Variants in PDZD7 observed in about 807,000 individuals in gnomAD.
PDZD7 encodes PDZ domain-containing protein 7.
Under a neutral mutation model 84.7 loss-of-function variants are expected in PDZD7, and 72 were observed. The observed-to-expected ratio is 0.85, with a 90% CI of 0.70 to 1.03. The LOEUF is 1.03. Ranked by LOEUF, PDZD7 falls within the 50% of genes least tolerant of loss-of-function variation. PDZD7 has a pLI of 0.00. For synonymous variants in PDZD7, 594 were observed against 580.7 expected, an observed-to-expected ratio of 1.02 and a Z score of -0.33; for missense variants, 1,490 against 1,412.9, an observed-to-expected ratio of 1.05 and a Z score of -0.87.
In PDZD7 at chr10:101,012,222, G is replaced by T. The variant is rs1321037769; in HGVS notation, c.1786C>A (p.Pro596Thr). 2.6e-6 allele frequency: 4 copies of T among 1,550,280 alleles called. No homozygotes were observed. Among genetic ancestry groups the T allele is most frequent in the Non-Finnish European group, 3.5e-6 (4 of 1,147,000 alleles). ...HEGGIEDLVRPLLAILDRPEK... is the reference protein window; with the variant it reads ...HEGGIEDLVRTLLAILDRPEK... ...GGCCTGTCGAGGATGGCCAGCAGGG[G>T]CCTCACCAGGTCCTCTATGCCTCCC... The change falls in exon 12 of 17, where the codon CCC becomes ACC. Residue 596 changes from proline to threonine, a missense_variant. By Grantham distance (38) the Pro-to-Thr change is conservative (BLOSUM62 -1). Coordinates refer to ENST00000619208, the MANE Select transcript of PDZD7 (RefSeq NM_001195263.2).
rs201300705 is a variant in PDZD7, at chr10:101,019,574, C to T, written c.929-357G>A. Among the ~76,000 whole-genome samples the T allele has an allele frequency of 3.7e-3, 405 of 110,742 alleles. 5 individuals carry two copies. Among genetic ancestry groups the T allele is most frequent in the East Asian group, 0.025 (99 of 4,016 alleles). The allele number at this position is 110,742 out of a possible 152,430, so 72.7% of individuals were successfully genotyped here. A position where few individuals can be genotyped will look rare whatever the true frequency, so the allele number is the denominator to read the frequency against. On this transcript the variant is annotated intron_variant, in intron 7 of 16. Coordinates refer to ENST00000619208, the MANE Select transcript of PDZD7 (RefSeq NM_001195263.2). The stretch of plus-strand genomic sequence containing the variant: ...CCTCCTCCTCCTCCTCCTCCTCCTC[C>T]TCCTCCTCCTCCTCTTCTTCTTCTT...
intron 11 of PDZD7, among the ~76,000 whole-genome samples, chr10:101,015,101 A>C (rs1313105260): frequency 6.6e-6 from 1 of 152,202 alleles, no homozygotes; most frequent in Non-Finnish European, 1.5e-5. Context: ...AGAGAACGAC[A>C]GTTTAGGTGT....
chr10:101,018,061 T>C (rs555305411), intron 9 of PDZD7, 38 bp downstream of exon 9: 1 of 1,613,896 alleles, frequency 6.2e-7, no homozygotes. Flanking sequence ...GCTAGTGGAC[T>C]TCACTTTGCC....
intron 2 of PDZD7, among the ~76,000 whole-genome samples, chr10:101,025,558 A>ATTTATTTATTTG (rs1554836920): frequency 8.1e-5 from 12 of 148,794 alleles, no homozygotes; most frequent in African/African-American, 3.0e-4. Flanking sequence ...TTATTTATTT[A>ATTTATTTATTTG]TTTATCTGAG....
At position 101,023,439 on chromosome 10, in the gene PDZD7, G is replaced by T; in HGVS notation, c.539C>A (p.Thr180Lys). 6.2e-7 allele frequency: 1 copy of T among 1,614,080 alleles called. No individual in the cohort carries two copies. Among genetic ancestry groups the T allele is most frequent in the Non-Finnish European group, 8.5e-7 (1 of 1,180,018 alleles). Residue 180 changes from threonine to lysine, a missense_variant, in exon 4 of 17, where the codon ACG becomes AAG. Coordinates refer to ENST00000619208, the MANE Select transcript of PDZD7 (RefSeq NM_001195263.2). ...GGATGAGGGAGTTGCTGCTCACCAC[G>T]TGGTCTTCTCCTTGGAGAACTTGAT... ...PGIKFSKEKT[T>K]WVDVVNRRLV...
At chr10:101,013,750 G>A (rs1383448157) in intron 11 of PDZD7, among the ~76,000 whole-genome samples, 2 of 152,152 alleles carry the variant, frequency 1.3e-5, no homozygotes, top group African/African-American at 4.8e-5. Context: ...GGAGGACCTC[G>A]AATGTGAGAG....
chr10:101,012,204 C>G lies in PDZD7; in HGVS notation c.1804G>C (p.Asp602His), dbSNP rs1381623149. The change falls in exon 12 of 17, where the codon GAC becomes CAC. Residue 602 changes from aspartate (D) to histidine (H), a missense_variant. Asp to His is a moderately conservative substitution (Grantham distance 81). Coordinates refer to ENST00000619208, the MANE Select transcript of PDZD7 (RefSeq NM_001195263.2). Reference protein sequence around the residue: ...DLVRPLLAILDRPEKLLLLQD... With the variant: ...DLVRPLLAILHRPEKLLLLQD... The stretch of plus-strand genomic sequence containing the variant: ...AGCAGTAGCAGCTTCTCCGGCCTGT[C>G]GAGGATGGCCAGCAGGGGCCTCACC... The G allele has an allele frequency of 1.9e-6, 3 of 1,550,324 alleles. No homozygotes were observed. Among genetic ancestry groups the G allele is most frequent in the Non-Finnish European group, 2.6e-6 (3 of 1,146,990 alleles).
intron 9 of PDZD7, chr10:101,017,420 T>G: frequency 2.2e-6 from 1 of 457,624 alleles, no homozygotes. Flanking sequence ...AGAGACAGGG[T>G]CTTGCTATGT....
intron 14 of PDZD7, 38 bp from the exon 15 acceptor site, chr10:101,010,921 CCT>C: frequency 6.6e-7 from 1 of 1,512,546 alleles, no homozygotes; most frequent in South Asian, 1.2e-5. Context: ...CCACTCCTCC[CCT>C]CTCCAGGACC....
chr10:101,014,883 C>T (rs1852541730), intron 11 of PDZD7, among the ~76,000 whole-genome samples: 1 of 152,196 alleles, frequency 6.6e-6, no homozygotes, highest in Non-Finnish European at 1.5e-5. Context: ...CCCAGCTCGC[C>T]CTCACACACA....
At chr10:101,016,891 G>T (rs537181380) in intron 9 of PDZD7, among the ~76,000 whole-genome samples, 1 of 152,098 alleles carries the variant, frequency 6.6e-6, no homozygotes, top group Non-Finnish European at 1.5e-5. Context: ...GGAAGGGATT[G>T]TCTCTCCCAT....
chr10:101,019,568 CTCCTCCTCCTCCTCCTCCTCT>C (rs1454056351), intron 7 of PDZD7, among the ~76,000 whole-genome samples: 2 of 137,896 alleles, frequency 1.5e-5, no homozygotes, highest in Non-Finnish European at 1.5e-5. Flanking sequence ...CCTCCTCCTC[CTCCTCCTCCTCCTCCTCCTCT>C]TCTTCTTCTT....
chr10:101,011,278 C>A (rs530411543), intron 14 of PDZD7: 2 of 368,910 alleles, frequency 5.4e-6, no homozygotes, highest in Non-Finnish European at 9.1e-6. Context: ...TCACCTCAAG[C>A]GATCCACCCG....
intron 7 of PDZD7, 133 bp from the exon 8 acceptor site, chr10:101,019,350 G>A (rs1157244635): frequency 4.4e-6 from 5 of 1,137,718 alleles, no homozygotes; most frequent in Non-Finnish European, 6.1e-6. Flanking sequence ...CAGTGGTGAG[G>A]AACCCGCTGC....
intron 11 of PDZD7, among the ~76,000 whole-genome samples, chr10:101,012,689 C>G (rs969720228): frequency 1.3e-5 from 2 of 152,164 alleles, no homozygotes; most frequent in Non-Finnish European, 2.9e-5. Flanking sequence ...GCTCTGGTGC[C>G]GGAAAAGGAT....
intron 15 of PDZD7, among the ~76,000 whole-genome samples, chr10:101,009,775 TTCTG>T (rs1032124519): frequency 6.6e-6 from 1 of 151,834 alleles, no homozygotes; most frequent in African/African-American, 2.4e-5. Flanking sequence ...GTCAGGCTAA[TTCTG>T]TATTTTTAGT....
chr10:101,027,393 G>T (rs981069508), intron 2 of PDZD7, among the ~76,000 whole-genome samples: 1 of 152,066 alleles, frequency 6.6e-6, no homozygotes, highest in Admixed American at 6.6e-5. Flanking sequence ...CCTCTTCCTC[G>T]TTCCCCTCCT....
Position 101,030,003 on chromosome 10 carries a change from G to T in PDZD7, c.217C>A (p.Pro73Thr). The T allele has an allele frequency of 3.1e-6, 5 of 1,612,828 alleles. No homozygotes were observed. The highest frequency in any genetic ancestry group is 3.4e-6 in the Non-Finnish European group (4 of 1,179,964). The change falls in exon 2 of 17, where the codon CCC (proline) becomes ACC (threonine). Residue 73 changes from proline to threonine, a missense_variant. Physicochemically the swap from Pro to Thr is conservative, Grantham distance 38 (BLOSUM62 -1). Coordinates refer to ENST00000619208, the MANE Select transcript of PDZD7 (RefSeq NM_001195263.2). ...PMGRVILINS[P>T]IEANSDESDI... The stretch of plus-strand genomic sequence containing the variant: ...TGGGTCCCGCCCCTACCTTCGATGG[G>T]GGAGTTGATGAGGATGACGCGTCCC...
At chr10:101,014,959 A>G (rs1455548527) in intron 11 of PDZD7, among the ~76,000 whole-genome samples, 1 of 152,214 alleles carries the variant, frequency 6.6e-6, no homozygotes, top group Non-Finnish European at 1.5e-5. Flanking sequence ...GGGACAGGAG[A>G]GGACCTGCCA....
Sources: gnomAD v4.1 joint callset for allele counts (sites outside exome capture counted in the v4.1 genomes callset) on GRCh38, gnomAD v4.1.1 for gene constraint, MANE v1.5 for transcripts, NCBI Gene and HGNC (gene_info 2026-07-23, HGNC 2026-07-21) for gene names.